Variants in DAB2IP observed in about 807,000 individuals in gnomAD.
DAB2IP encodes the protein disabled homolog 2-interacting protein.
DAB2IP carries 28 observed loss-of-function variants against 107.2 expected under a neutral mutation model. The observed-to-expected ratio is 0.26, with a 90% CI of 0.19 to 0.36. The LOEUF (loss-of-function observed/expected upper bound fraction) is 0.36. Ranked by LOEUF, DAB2IP falls within the 10% of genes least tolerant of loss-of-function variation. The pLI is 1.00. For synonymous variants in DAB2IP, 755 were observed against 706.4 expected, an observed-to-expected ratio of 1.07 and a Z score of -1.09; for missense variants, 1,400 against 1,644.7, an observed-to-expected ratio of 0.85 and a Z score of 2.57.
intron 3 of DAB2IP, among the ~76,000 whole-genome samples, chr9:121,713,055 C>T (rs1009148684): frequency 4.6e-5 from 7 of 152,234 alleles, no homozygotes; most frequent in African/African-American, 1.4e-4. Context: ...GGAGCTTCCC[C>T]AGGCAGCATT....
intron 3 of DAB2IP, among the ~76,000 whole-genome samples, chr9:121,755,648 G>A (rs954474931): frequency 3.9e-5 from 6 of 152,192 alleles, no homozygotes; most frequent in Admixed American, 1.3e-4. Flanking sequence ...CCATGGAGAT[G>A]TGGAGCTTGG....
chr9:121,747,386 C>T (rs546528131), intron 3 of DAB2IP, among the ~76,000 whole-genome samples: 9 of 147,834 alleles, frequency 6.1e-5, no homozygotes, highest in East Asian at 2.0e-4. Context: ...CTCGCTCTGT[C>T]GCCCAGGCTG....
chr9:121,695,652 G>T (rs1829384793), intron 2 of DAB2IP, among the ~76,000 whole-genome samples: 1 of 152,150 alleles, frequency 6.6e-6, no homozygotes, highest in Non-Finnish European at 1.5e-5. Context: ...GGCCTTAGTG[G>T]GTGTGGCTAG....
At chr9:121,602,628 T>C (rs147838322) in intron 1 of DAB2IP, among the ~76,000 whole-genome samples, 4,773 of 152,254 alleles carry the variant, frequency 0.031, 374 homozygotes, top group Admixed American at 0.15. Context: ...CAGGCTGGAG[T>C]GCAGTGGCGT....
At chr9:121,660,821 C>T (rs1833169706) in intron 1 of DAB2IP, among the ~76,000 whole-genome samples, 1 of 151,868 alleles carries the variant, frequency 6.6e-6, no homozygotes, top group South Asian at 2.1e-4. Flanking sequence ...AAATGGTGTT[C>T]TTTTTTTTAA....
chr9:121,641,899 TTC>T (rs148040068), intron 1 of DAB2IP, among the ~76,000 whole-genome samples: 3 of 113,778 alleles, frequency 2.6e-5, no homozygotes, highest in Non-Finnish European at 5.4e-5. Context: ...TTCCCTTTCT[TTC>T]TTTCTTTCTT....
intron 5 of DAB2IP, among the ~76,000 whole-genome samples, chr9:121,759,644 A>G (rs1004037461): frequency 3.9e-5 from 6 of 152,154 alleles, no homozygotes; most frequent in Non-Finnish European, 8.8e-5. Context: ...TTTCATAGAC[A>G]AGCAACCCAA....
intron 1 of DAB2IP, among the ~76,000 whole-genome samples, chr9:121,645,552 C>T (rs1400220750): frequency 2.0e-5 from 3 of 152,192 alleles, no homozygotes; most frequent in Non-Finnish European, 4.4e-5. Flanking sequence ...CGCTCCCTCC[C>T]TTGGTCTCAC....
At chr9:121,751,875 C>T in intron 3 of DAB2IP, 1 of 970,784 alleles carries the variant, frequency 1.0e-6, no homozygotes, top group Non-Finnish European at 1.2e-6. Flanking sequence ...CAGCGGAGTC[C>T]AGGGCAGGTC....
At chr9:121,661,133 T>G (rs1253602299) in intron 1 of DAB2IP, among the ~76,000 whole-genome samples, 2 of 152,094 alleles carry the variant, frequency 1.3e-5, no homozygotes, top group Non-Finnish European at 2.9e-5. Flanking sequence ...CTGATGGGCC[T>G]GCCTTGGATG....
chr9:121,607,898 CTGTTTGCCGGG>C (rs936503599), intron 1 of DAB2IP, among the ~76,000 whole-genome samples: 3 of 152,350 alleles, frequency 2.0e-5, no homozygotes, highest in African/African-American at 4.8e-5. Context: ...CAGGCAACGG[CTGTTTGCCGGG>C]AGCAGCAGGA....
At chr9:121,582,334 C>G (rs1830216926) in intron 1 of DAB2IP, among the ~76,000 whole-genome samples, 1 of 152,094 alleles carries the variant, frequency 6.6e-6, no homozygotes, top group Admixed American at 6.5e-5. Context: ...CAGCCGGCAG[C>G]CCAAAGCCCC....
chr9:121,647,488 C>T (rs1027479071), upstream of DAB2IP, among the ~76,000 whole-genome samples: 14 of 152,198 alleles, frequency 9.2e-5, no homozygotes, highest in Non-Finnish European at 1.6e-4. Flanking sequence ...CCACCCTGGC[C>T]TGGCCCATGA....
At chr9:121,783,582 G>A (rs1252569884) in exon 16 of DAB2IP, 1 of 1,613,332 alleles carries the variant, frequency 6.2e-7, no homozygotes. Context: ...TGGAACACAG[G>A]GGCCTTTTAA....
At chr9:121,686,136 G>A (rs7865939) in intron 2 of DAB2IP, among the ~76,000 whole-genome samples, 3,439 of 152,274 alleles carry the variant, frequency 0.023, 125 homozygotes, top group African/African-American at 0.079. Context: ...TGGGGTTGGG[G>A]GGACAAGCAA....
Position 121,781,448 on chromosome 9 carries a change from C to CT in DAB2IP, c.3315-15dup. ...GCCTCCAGGGCCAGTCTGACTGTCT[C>CT]TGTCTCTGGCTATAGGTTGATGTCC... On this transcript the variant is annotated splice_polypyrimidine_tract_variant and intron_variant, in intron 14 of 15. Transcript: ENST00000408936. 1 of 1,613,754 alleles carries CT rather than the reference C, an allele frequency of 6.2e-7. No individual in the cohort carries two copies. The highest frequency in any genetic ancestry group is 1.1e-5 in the South Asian group (1 of 91,064).
intron 1 of DAB2IP, among the ~76,000 whole-genome samples, chr9:121,570,948 G>T (rs566676206): frequency 9.9e-5 from 15 of 152,014 alleles, no homozygotes; most frequent in African/African-American, 3.6e-4. Flanking sequence ...GGGTCCCTTC[G>T]CCAGTGCCTG....
At chr9:121,646,242 G>C (rs1010402054) in intron 1 of DAB2IP, among the ~76,000 whole-genome samples, 1 of 152,116 alleles carries the variant, frequency 6.6e-6, no homozygotes, top group Admixed American at 6.5e-5. Flanking sequence ...GAGGAAGTCT[G>C]GGGGGCGGTG....
chr9:121,641,892 C>CCTTTCTTTCTTTCTTTCTTT lies in DAB2IP; in HGVS notation c.41-36759_41-36740dup, dbSNP rs71370681. On this transcript the variant is annotated intron_variant, in intron 1 of 16. Coordinates refer to the DAB2IP transcript ENST00000259371. ...TTCTTTCTTTCTGTCCATTTCTTTC[C>CCTTTCTTTCTTTCTTTCTTT]CTTTCTTTCTTTCTTTCTTTCTTTC... Among the ~76,000 whole-genome samples the CCTTTCTTTCTTTCTTTCTTT allele has an allele frequency of 2.1e-3, 187 of 89,302 alleles. 4 individuals carry two copies. The highest frequency in any genetic ancestry group is 0.018 in the East Asian group (50 of 2,752). The allele number at this position is 89,302 out of a possible 152,430, so 58.6% of individuals were successfully genotyped here. A position where few individuals can be genotyped will look rare whatever the true frequency, so the allele number is the denominator to read the frequency against.
Sources: gnomAD v4.1 joint callset for allele counts (sites outside exome capture counted in the v4.1 genomes callset) on GRCh38, gnomAD v4.1.1 for gene constraint, MANE v1.5 for transcripts, NCBI Gene and HGNC (gene_info 2026-07-23, HGNC 2026-07-21) for gene names.